MTMR3: variants seen among roughly 807,000 people sequenced by gnomAD.
MTMR3 encodes phosphatidylinositol-3,5-bisphosphate 3-phosphatase MTMR3.
Under a neutral mutation model 132.4 loss-of-function variants are expected in MTMR3, and 32 were observed. The observed-to-expected ratio is 0.24, with a 90% CI of 0.18 to 0.32. MTMR3 has a LOEUF of 0.32. Ranked by LOEUF, MTMR3 falls within the 10% of genes least tolerant of loss-of-function variation. The pLI is 1.00. For synonymous variants in MTMR3, 556 were observed against 550.3 expected (o/e 1.01, Z -0.14); for missense variants, 1,216 against 1,489.6 (o/e 0.82, Z 3.02).
chr22:30,022,218 A>C (rs1601441053), intron 18 of MTMR3, 79 bp downstream of exon 18: 1 of 1,161,846 alleles, frequency 8.6e-7, no homozygotes, highest in Non-Finnish European at 1.3e-6. Context: ...CCCACCCCAT[A>C]CCCCTGGCCA....
chr22:30,027,787 A>G lies in MTMR3; in HGVS notation c.*1986A>G, dbSNP rs2067941021. On this transcript the variant is annotated 3_prime_UTR_variant, in exon 20 of 20. Coordinates refer to ENST00000401950, the MANE Select transcript of MTMR3 (RefSeq NM_021090.4). ...CTCCTATATTTTTCATTTTTTGTCAAAGCAAGAAGTAAATACTTTAGAATT... is the reference window on the plus strand; with the variant it reads ...CTCCTATATTTTTCATTTTTTGTCAGAGCAAGAAGTAAATACTTTAGAATT... The G allele has an allele frequency of 1.3e-5, 2 of 152,560 alleles. No homozygotes were observed. Among genetic ancestry groups the G allele is most frequent in the African/African-American group, 4.8e-5 (2 of 41,448 alleles). 9.5% of individuals were successfully genotyped at this position (152,560 alleles called of 1,614,324 possible).
rs150079026 is a variant in MTMR3 at position 29,936,031 on chromosome 22, C to T, written c.-137-21005C>T. ...CCTCCCAAAGTGCTGGGTTTACAGG[C>T]GTGAGTCACTGTGCCCGGCCTCCAT... On this transcript the variant is annotated intron_variant, in intron 1 of 19. Coordinates refer to ENST00000401950, the MANE Select transcript of MTMR3 (RefSeq NM_021090.4). 3.3e-5 allele frequency among the ~76,000 whole-genome samples: 5 copies of T among 152,176 alleles called. No homozygotes were observed. The East Asian group carries it at 9.6e-4, about 29-fold the overall frequency.
At chr22:29,966,731 G>A (rs1240349573) in intron 2 of MTMR3, among the ~76,000 whole-genome samples, 1 of 22,958 alleles carries the variant, frequency 4.4e-5, no homozygotes, top group Non-Finnish European at 8.9e-5. Flanking sequence ...GTGTGCGTGT[G>A]TGTGTGTGTG....
chr22:29,970,410 T>C (rs1224419879), intron 2 of MTMR3, among the ~76,000 whole-genome samples: 3 of 150,350 alleles, frequency 2.0e-5, no homozygotes, highest in African/African-American at 7.4e-5. Flanking sequence ...CACAGCATAC[T>C]ACAGCCCCAA....
chr22:29,919,025 C>T (rs1255360135), intron 1 of MTMR3, among the ~76,000 whole-genome samples: 1 of 152,128 alleles, frequency 6.6e-6, no homozygotes, highest in Non-Finnish European at 1.5e-5. Context: ...AATTACAGGC[C>T]TGAGCCATTT....
chr22:29,993,523 A>G (rs1186637674), intron 7 of MTMR3: 1 of 152,002 alleles, frequency 6.6e-6, no homozygotes, highest in Non-Finnish European at 1.5e-5. Flanking sequence ...AAGACCCCTG[A>G]CTCCAAGACC....
intron 17 of MTMR3, chr22:30,021,118 A>C (rs866396401): frequency 1.8e-6 from 1 of 564,826 alleles, no homozygotes; most frequent in Non-Finnish European, 3.2e-6. Context: ...TTGGAGAGGA[A>C]GAGACTTAGC....
chr22:29,953,845 C>A (rs1300913608), intron 1 of MTMR3, among the ~76,000 whole-genome samples: 1 of 152,114 alleles, frequency 6.6e-6, no homozygotes, highest in African/African-American at 2.4e-5. Context: ...TTAAGCATCC[C>A]TTGTTATTTT....
In MTMR3 at chr22:30,021,807, C is replaced by T. The variant is rs181988914; in HGVS notation, c.3226-222C>T. 4 of 532,590 alleles carry T rather than the reference C, an allele frequency of 7.5e-6. No homozygotes were observed. The African/African-American group carries it at 7.6e-5, about 10-fold the overall frequency. The allele number at this position is 532,590 out of a possible 1,614,324, so 33.0% of individuals were successfully genotyped here. On this transcript the variant is annotated intron_variant, in intron 17 of 19. Transcript: ENST00000401950. ...AACCCTGAGGGCCTGTTTTTCTACT[C>T]CAGAGTCACTGCACACAACCTGTGT...
At chr22:29,890,985 C>T (rs1000017635) in intron 1 of MTMR3, among the ~76,000 whole-genome samples, 4 of 149,888 alleles carry the variant, frequency 2.7e-5, no homozygotes, top group Middle Eastern at 3.4e-3. Flanking sequence ...TGAATATAGC[C>T]GCTGTACTCT....
At position 29,883,243 on chromosome 22, in the gene MTMR3, C is replaced by G. The variant is rs1419668276; in HGVS notation, c.-254C>G. ...GCGGCGGCGGCGGCGGAGTAGCAGC[C>G]GGACGAGACGTCCCAGCGGCTCAGG... is the stretch of plus-strand genomic sequence containing the variant. On this transcript the variant is annotated 5_prime_UTR_variant, in exon 1 of 20. Coordinates refer to ENST00000401950, the MANE Select transcript of MTMR3 (RefSeq NM_021090.4). 2 of 153,246 alleles carry G rather than the reference C, an allele frequency of 1.3e-5. No homozygotes were observed. Among genetic ancestry groups the G allele is most frequent in the Non-Finnish European group, 2.9e-5 (2 of 68,724 alleles). The allele number at this position is 153,246 out of a possible 1,614,324, so 9.5% of individuals were successfully genotyped here.
chr22:30,010,130 G>A (rs1432473714), intron 12 of MTMR3: 1 of 152,164 alleles, frequency 6.6e-6, no homozygotes, highest in African/African-American at 2.4e-5. Context: ...CACAGTTCCA[G>A]GTCCCAGCTA....
chr22:29,902,961 G>A (rs1247416721), intron 1 of MTMR3, among the ~76,000 whole-genome samples: 2 of 152,144 alleles, frequency 1.3e-5, no homozygotes, highest in East Asian at 1.9e-4. Flanking sequence ...GGTGGCTCAC[G>A]CCTGGAATCC....
chr22:30,023,145 G>C (rs1442751048), intron 19 of MTMR3: 2 of 438,756 alleles, frequency 4.6e-6, no homozygotes, highest in Non-Finnish European at 8.3e-6. Flanking sequence ...AAGTAGTAGA[G>C]ACAGCTGAGG....
At chr22:29,899,212 T>A (rs1233303954) in intron 1 of MTMR3, among the ~76,000 whole-genome samples, 1 of 152,186 alleles carries the variant, frequency 6.6e-6, no homozygotes, top group Non-Finnish European at 1.5e-5. Context: ...ACACTCATAC[T>A]TGTCCACATG....
intron 1 of MTMR3, among the ~76,000 whole-genome samples, chr22:29,899,905 A>G (rs1036033350): frequency 6.6e-6 from 1 of 152,194 alleles, no homozygotes; most frequent in African/African-American, 2.4e-5. Flanking sequence ...TTGTATGTAT[A>G]TTATACCTCA....
intron 2 of MTMR3, among the ~76,000 whole-genome samples, chr22:29,962,910 C>CTTTT (rs892383539): frequency 7.5e-6 from 1 of 133,622 alleles, no homozygotes; most frequent in Non-Finnish European, 1.6e-5. Context: ...TCTCTTTTTT[C>CTTTT]TTTTTTTTTT....
intron 1 of MTMR3, among the ~76,000 whole-genome samples, chr22:29,939,896 C>A (rs1215705888): frequency 6.6e-6 from 1 of 152,176 alleles, no homozygotes; most frequent in Admixed American, 6.5e-5. Flanking sequence ...CCATTGTAAT[C>A]TGTTCCTGCC....
At chr22:30,007,354 T>A (rs1295628638) in intron 10 of MTMR3, 35 bp downstream of exon 10, 1 of 1,596,660 alleles carries the variant, frequency 6.3e-7, no homozygotes. Context: ...CAATGATTTT[T>A]ATAGCATCTA....
Sources: allele counts gnomAD v4.1 joint callset (sites outside exome capture counted in the v4.1 genomes callset), GRCh38; gene constraint gnomAD v4.1.1; transcripts MANE v1.5; gene names NCBI Gene and HGNC (gene_info 2026-07-23, HGNC 2026-07-21).